ADK: variants seen among roughly 807,000 people sequenced by gnomAD.
ADK encodes adenosine kinase.
ADK carries 24 observed loss-of-function variants against 44.7 expected under a neutral mutation model. That is an observed-to-expected ratio of 0.54 (90% confidence interval 0.39 to 0.76). ADK has a LOEUF of 0.76. Among genes scored for constraint, ADK ranks in the 30% least tolerant of loss-of-function variants. The pLI, the probability that ADK is intolerant of heterozygous loss-of-function variation, is 0.00. For synonymous variants in ADK, 128 were observed against 142.6 expected (o/e 0.90, Z 0.73); for missense variants, 321 against 425.1 (o/e 0.76, Z 2.15).
intron 6 of ADK, among the ~76,000 whole-genome samples, chr10:74,502,880 C>G (rs1847929146): frequency 6.6e-6 from 1 of 152,126 alleles, no homozygotes. Context: ...TAAGGGAAAA[C>G]TTTAGGAAAT....
intron 1 of ADK, among the ~76,000 whole-genome samples, chr10:74,187,501 TAC>T (rs147834892): frequency 4.6e-5 from 7 of 150,976 alleles, no homozygotes; most frequent in East Asian, 1.9e-4. Context: ...TACACGCACA[TAC>T]ACACACACAC....
chr10:74,308,486 G>T (rs1222154329), intron 3 of ADK, among the ~76,000 whole-genome samples: 1 of 152,164 alleles, frequency 6.6e-6, no homozygotes, highest in East Asian at 1.9e-4. Flanking sequence ...TGTGGTAAAA[G>T]ATTTCAAAGC....
At chr10:74,420,364 A>G (rs1037219939) in intron 6 of ADK, among the ~76,000 whole-genome samples, 1 of 152,160 alleles carries the variant, frequency 6.6e-6, no homozygotes, top group African/African-American at 2.4e-5. Context: ...AGTGCTTTAG[A>G]TCTATGAAAC....
At chr10:74,617,353 A>G (rs1187076035) in intron 9 of ADK, among the ~76,000 whole-genome samples, 5 of 152,196 alleles carry the variant, frequency 3.3e-5, no homozygotes, top group Non-Finnish European at 5.9e-5. Flanking sequence ...CTTTCCATTA[A>G]TAGTTTGCTA....
At chr10:74,484,406 G>A (rs1847193278) in intron 6 of ADK, among the ~76,000 whole-genome samples, 1 of 152,082 alleles carries the variant, frequency 6.6e-6, no homozygotes. Flanking sequence ...ATTCGGATGG[G>A]AACACAAATC....
intron 9 of ADK, among the ~76,000 whole-genome samples, chr10:74,629,166 A>G (rs546706008): frequency 9.2e-5 from 14 of 152,072 alleles, no homozygotes; most frequent in Admixed American, 2.6e-4. Context: ...TATAGCTGGG[A>G]CTACAGGCAC....
intron 7 of ADK, among the ~76,000 whole-genome samples, chr10:74,578,974 A>C (rs950272042): frequency 6.6e-6 from 1 of 152,126 alleles, no homozygotes; most frequent in African/African-American, 2.4e-5. Flanking sequence ...TTATGGTGGC[A>C]TGTAATTCCA....
At chr10:74,302,089 TGTTTTTTTTTTGTTTGTTTG>T (rs1840055837) in intron 3 of ADK, among the ~76,000 whole-genome samples, 2 of 53,826 alleles carry the variant, frequency 3.7e-5, no homozygotes, top group African/African-American at 1.6e-4. Flanking sequence ...TTTTCTTTTC[TGTTTTTTTTTTGTTTGTTTG>T]TTTTTTTTTT....
chr10:74,409,071 G>T (rs1053666730), intron 6 of ADK, among the ~76,000 whole-genome samples: 4 of 152,096 alleles, frequency 2.6e-5, no homozygotes, highest in African/African-American at 2.4e-5. Context: ...AAATGTGAAA[G>T]CTCTCAGCTA....
At chr10:74,483,393 C>A (rs1300575260) in intron 6 of ADK, among the ~76,000 whole-genome samples, 1 of 152,154 alleles carries the variant, frequency 6.6e-6, no homozygotes, top group Non-Finnish European at 1.5e-5. Flanking sequence ...TTTTATGACT[C>A]TGGGCTGGTG....
At chr10:74,193,289 G>A (rs7073227) in intron 1 of ADK, among the ~76,000 whole-genome samples, 19,958 of 151,202 alleles carry the variant, frequency 0.13, 1,321 homozygotes, top group Middle Eastern at 0.21. Context: ...TAAGGTACAT[G>A]TGCACAACAT....
At chr10:74,272,438 G>C (rs1379456868) in intron 3 of ADK, among the ~76,000 whole-genome samples, 1 of 151,958 alleles carries the variant, frequency 6.6e-6, no homozygotes, top group Non-Finnish European at 1.5e-5. Context: ...ACCATGCCGG[G>C]TTAACTTTTG....
intron 6 of ADK, among the ~76,000 whole-genome samples, chr10:74,426,559 A>G (rs2133058482): frequency 6.6e-6 from 1 of 152,328 alleles, no homozygotes; most frequent in Middle Eastern, 3.4e-3. Flanking sequence ...TATGTTCAGG[A>G]AGGATAAAGC....
chr10:74,200,928 G>A (rs1472635791), intron 2 of ADK, 90 bp downstream of exon 2: 2 of 885,554 alleles, frequency 2.3e-6, no homozygotes, highest in South Asian at 1.4e-5. Flanking sequence ...ACCACCGAAT[G>A]TCTTCAATTA....
At chr10:74,465,832 A>G (rs1294994425) in intron 6 of ADK, among the ~76,000 whole-genome samples, 1 of 152,156 alleles carries the variant, frequency 6.6e-6, no homozygotes, top group Admixed American at 6.6e-5. Context: ...TTAGCATTCC[A>G]TAGTACGTTC....
intron 6 of ADK, among the ~76,000 whole-genome samples, chr10:74,476,385 G>T (rs910819816): frequency 6.6e-6 from 1 of 151,858 alleles, no homozygotes; most frequent in African/African-American, 2.4e-5. Flanking sequence ...CCAGCTACTC[G>T]GGAGGCTGAG....
At chr10:74,523,750 A>C (rs966853369) in intron 6 of ADK, among the ~76,000 whole-genome samples, 1 of 152,196 alleles carries the variant, frequency 6.6e-6, no homozygotes, top group Non-Finnish European at 1.5e-5. Context: ...CAAAAATCTC[A>C]ATCATCTTTT....
At chr10:74,274,759 T>TATATATATATTTATATATA (rs1564628432) in intron 3 of ADK, among the ~76,000 whole-genome samples, 1 of 132,994 alleles carries the variant, frequency 7.5e-6, no homozygotes, top group Admixed American at 7.7e-5. Flanking sequence ...CACACACACA[T>TATATATATATTTATATATA]TATATATATA....
intron 10 of ADK, among the ~76,000 whole-genome samples, chr10:74,707,680 T>C (rs1856652446): frequency 6.6e-6 from 1 of 150,616 alleles, no homozygotes; most frequent in Admixed American, 6.7e-5. Context: ...GAAGAATGGC[T>C]TGAACCTGGG....
Sources: gnomAD v4.1 joint callset for allele counts (sites outside exome capture counted in the v4.1 genomes callset) on GRCh38, gnomAD v4.1.1 for gene constraint, MANE v1.5 for transcripts, NCBI Gene and HGNC (gene_info 2026-07-23, HGNC 2026-07-21) for gene names.